The following SLC6A13 variants were observed in gnomAD, a reference collection of about 807,000 sequenced individuals.
SLC6A13 encodes solute carrier family 6 member 13, also known as sodium- and chloride-dependent GABA transporter 2.
In SLC6A13, 69 loss-of-function variants were observed where a neutral mutation model predicts 72.9. That is an observed-to-expected ratio of 0.95 (90% confidence interval 0.78 to 1.16). The LOEUF (loss-of-function observed/expected upper bound fraction) is 1.16. SLC6A13 is among the 50% of genes most tolerant of loss of function. SLC6A13 has a pLI of 0.00. For missense variants in SLC6A13, 735 were observed against 760.5 expected, an observed-to-expected ratio of 0.97 and a Z score of 0.39; for synonymous variants, 303 against 303.0, an observed-to-expected ratio of 1.00 and a Z score of 0.00.
At chr12:246,132 A>AAAATAAATGAATAAATGAATAAAT (rs374765064) in intron 2 of SLC6A13, among the ~76,000 whole-genome samples, 76 of 147,002 alleles carry the variant, frequency 5.2e-4, no homozygotes, top group Non-Finnish European at 8.8e-4. Flanking sequence ...AATAAAAGTA[A>AAAATAAATGAATAAATGAATAAAT]AAATAAATAA....
chr12:258,858 A>T, intron 2 of SLC6A13: 1 of 945,410 alleles, frequency 1.1e-6, no homozygotes, highest in Non-Finnish European at 1.3e-6. Flanking sequence ...GTGCTGCGAA[A>T]TTTTTAAAAA....
intron 5 of SLC6A13, 74 bp downstream of exon 5, chr12:237,852 C>T: frequency 9.0e-7 from 1 of 1,105,544 alleles, no homozygotes; most frequent in Non-Finnish European, 1.4e-6. Flanking sequence ...TGAGAGTGAC[C>T]TTGGTGTGTA....
intron 6 of SLC6A13, among the ~76,000 whole-genome samples, chr12:236,143 T>A (rs1441262434): frequency 6.6e-6 from 1 of 152,232 alleles, no homozygotes; most frequent in African/African-American, 2.4e-5. Flanking sequence ...AATTCTGCTT[T>A]TGCCCTTTGT....
rs1942024478 is a variant in SLC6A13, at chr12:238,443, C to A, written c.479-433G>T. 1.0e-5 allele frequency: 7 copies of A among 702,532 alleles called. No homozygotes were observed. The South Asian group carries it at 1.0e-4, about 10-fold the overall frequency. 43.5% of individuals were successfully genotyped at this position (702,532 alleles called of 1,614,324 possible). ...GCTGACCCCACGGGTATGAACTGTG[C>A]AGCTGTGGGTAAGTTATAACTCAGC... On this transcript the variant is annotated intron_variant, in intron 4 of 14. Coordinates refer to ENST00000343164, the MANE Select transcript of SLC6A13 (RefSeq NM_016615.5).
intron 8 of SLC6A13, chr12:226,984 G>C (rs934690482): frequency 1.8e-5 from 3 of 164,056 alleles, no homozygotes; most frequent in African/African-American, 4.8e-5. Context: ...ATTAAAATTG[G>C]CTTAAATTTT....
chr12:228,398 C>T (rs919664717), intron 7 of SLC6A13, among the ~76,000 whole-genome samples: 1 of 152,122 alleles, frequency 6.6e-6, no homozygotes, highest in African/African-American at 2.4e-5. Flanking sequence ...GGACCCTCCC[C>T]AGGAGCTCCT....
At chr12:221,609 CGCTCCCCA>C in intron 13 of SLC6A13, 63 bp from the exon 14 acceptor site, 1 of 1,095,258 alleles carries the variant, frequency 9.1e-7, no homozygotes, top group Non-Finnish European at 1.3e-6. Context: ...TCAGCTCCCC[CGCTCCCCA>C]GCAGCCTGGC....
intron 7 of SLC6A13, among the ~76,000 whole-genome samples, chr12:230,693 C>T (rs1325348567): frequency 6.6e-6 from 1 of 152,130 alleles, no homozygotes; most frequent in African/African-American, 2.4e-5. Flanking sequence ...TGAGATAAAA[C>T]CCACGCTCCC....
intron 5 of SLC6A13, 80 bp from the exon 6 acceptor site, chr12:237,370 G>A (rs1591840005): frequency 6.6e-7 from 1 of 1,505,344 alleles, no homozygotes; most frequent in East Asian, 2.3e-5. Flanking sequence ...CAGTGGAGCT[G>A]AGCCTGCCTC....
At chr12:247,839 T>C (rs1942406976) in intron 2 of SLC6A13, among the ~76,000 whole-genome samples, 2 of 152,148 alleles carry the variant, frequency 1.3e-5, no homozygotes, top group African/African-American at 4.8e-5. Flanking sequence ...GAAATGAAAT[T>C]GTAATATTTT....
At position 226,636 on chromosome 12, in the gene SLC6A13, C is replaced by T. The variant is rs1276958178; in HGVS notation, c.936-122G>A. On this transcript the variant is annotated intron_variant, in intron 8 of 14. Coordinates refer to ENST00000343164, the MANE Select transcript of SLC6A13 (RefSeq NM_016615.5). ...GACACTGTCCTGGCCCCTTCACGGA[C>T]GCCGGAGCAGGGCTACCTGGCAGAA... 32 of 1,279,502 alleles carry T rather than the reference C, an allele frequency of 2.5e-5. 1 individual carries two copies. Among genetic ancestry groups the T allele is most frequent in the East Asian group, 1.3e-4 (5 of 37,700 alleles). The allele number at this position is 1,279,502 out of a possible 1,614,324, so 79.3% of individuals were successfully genotyped here.
chr12:228,937 A>C (rs1049860144), intron 7 of SLC6A13, among the ~76,000 whole-genome samples: 3 of 152,186 alleles, frequency 2.0e-5, no homozygotes, highest in Non-Finnish European at 2.9e-5. Flanking sequence ...TGGCCCCTGC[A>C]TCAGGGGTGC....
At chr12:223,966 C>A (rs1305644091) in intron 11 of SLC6A13, 26 bp downstream of exon 11, 10 of 1,612,412 alleles carry the variant, frequency 6.2e-6, no homozygotes, top group Admixed American at 1.7e-5. Flanking sequence ...TCCTCCCCAG[C>A]CTTCCCCCGC....
At chr12:225,327 C>T (rs1042708771) in intron 9 of SLC6A13, among the ~76,000 whole-genome samples, 18 of 152,328 alleles carry the variant, frequency 1.2e-4, no homozygotes, top group Admixed American at 3.9e-4. Flanking sequence ...GTGCCTCGCC[C>T]AGCACCTGGC....
chr12:229,589 G>T (rs1941618165), intron 7 of SLC6A13, among the ~76,000 whole-genome samples: 1 of 152,232 alleles, frequency 6.6e-6, no homozygotes, highest in Non-Finnish European at 1.5e-5. Context: ...AAGGGCTCAG[G>T]ACCAATGCAC....
intron 14 of SLC6A13, 49 bp downstream of exon 14, chr12:221,327 C>T (rs1403296760): frequency 1.1e-5 from 16 of 1,520,282 alleles, no homozygotes; most frequent in African/African-American, 1.4e-5. Flanking sequence ...TCGGCACCTG[C>T]GAAGCCTCCC....
intron 13 of SLC6A13, among the ~76,000 whole-genome samples, chr12:222,259 C>T (rs149527470): frequency 2.4e-4 from 37 of 152,316 alleles, no homozygotes; most frequent in Non-Finnish European, 4.7e-4. Context: ...CCAAGGCACC[C>T]GGGTTTCAGT....
In SLC6A13 at chr12:235,177, C is replaced by T. The variant is rs942088967; in HGVS notation, c.744G>A (p.Leu248=). The part of the protein sequence containing the change: ...ATFPYLMLVV[L]LIRGVTLPGA... ...CAGGCAACGTCACCCCTCGAATTAA[C>T]AGGACCACCAGCATGAGGTAAGGAA... The change falls in exon 7 of 15, where the codon CTG becomes CTA. Residue 248 remains leucine, a synonymous_variant. Coordinates refer to ENST00000343164, the MANE Select transcript of SLC6A13 (RefSeq NM_016615.5). 1 of 1,614,074 alleles carries T rather than the reference C, an allele frequency of 6.2e-7. No homozygotes were observed. The highest frequency in any genetic ancestry group is 1.7e-5 in the Admixed American group (1 of 60,014).
rs748604417 is a variant in SLC6A13 at position 235,116 on chromosome 12, T to G, written c.805A>C (p.Asn269His). Residue 269 changes from asparagine to histidine, a missense_variant, in exon 7 of 15, where the codon AAC becomes CAC. Asn to His is a moderately conservative substitution (Grantham distance 68). Transcript: ENST00000343164. ...AQGIQFYLYPNLTRLWDPQVW... is the reference protein window; with the variant it reads ...AQGIQFYLYPHLTRLWDPQVW... ...TGGGGATCCCACAGACGCGTGAGGTTTGGGTACAGGTAAAACTGAATTCCT... is the reference window on the plus strand; with the variant it reads ...TGGGGATCCCACAGACGCGTGAGGTGTGGGTACAGGTAAAACTGAATTCCT... 2.5e-6 allele frequency: 4 copies of G among 1,614,194 alleles called. No homozygotes were observed.
Sources: allele counts gnomAD v4.1 joint callset (sites outside exome capture counted in the v4.1 genomes callset), GRCh38; gene constraint gnomAD v4.1.1; transcripts MANE v1.5; gene names NCBI Gene and HGNC (gene_info 2026-07-23, HGNC 2026-07-21).